Variants in ZNF274 observed in about 807,000 individuals in gnomAD.
The protein encoded by ZNF274 is zinc finger protein 274.
A neutral mutation model predicts 42.5 loss-of-function variants in ZNF274; 23 were observed. The observed-to-expected ratio is 0.54, with a 90% CI of 0.39 to 0.77. The LOEUF is 0.77. ZNF274 is among the 30% of genes least tolerant of loss of function. The pLI is 0.00. For synonymous variants in ZNF274, 292 were observed against 305.4 expected (o/e 0.96, Z 0.46); for missense variants, 679 against 806.5 (o/e 0.84, Z 1.91).
In ZNF274 at chr19:58,196,431, G is replaced by A. The variant is rs562045810; in HGVS notation, c.256+9389G>A. Among the ~76,000 whole-genome samples the A allele has an allele frequency of 1.3e-3, 191 of 152,266 alleles. 2 individuals carry two copies. The highest frequency in any genetic ancestry group is 4.4e-3 in the African/African-American group (183 of 41,552). On this transcript the variant is annotated intron_variant, in intron 4 of 7. Transcript: ENST00000617501. ...GAAAAAATTAGCCACACATGGTGGC[G>A]TGTGTCTATAGTTCCAGCTACTTGG...
intron 4 of ZNF274, among the ~76,000 whole-genome samples, chr19:58,201,429 G>A (rs1301815312): frequency 6.6e-6 from 1 of 151,832 alleles, no homozygotes; most frequent in Non-Finnish European, 1.5e-5. Context: ...TTTTCAACCT[G>A]AGATTTGGTA....
At position 58,206,970 on chromosome 19, in the gene ZNF274, T is replaced by C. The variant is rs776670234; in HGVS notation, c.507T>C (p.Tyr169=). Residue 169 remains tyrosine (Y), a synonymous_variant, in exon 5 of 8, where the codon TAT becomes TAC. Coordinates refer to ENST00000617501, the MANE Select transcript of ZNF274 (RefSeq NM_133502.3). ...AARQRFRQFR[Y]KDMTGPREAL... ...GCCAGAGGTTCCGGCAGTTCCGTTA[T>C]AAGGACATGACAGGTCCCCGGGAGG... 4 of 1,610,346 alleles carry C rather than the reference T, an allele frequency of 2.5e-6. No homozygotes were observed. Among genetic ancestry groups the C allele is most frequent in the Middle Eastern group, 1.7e-4 (1 of 6,060 alleles).
rs916956161 is a variant in ZNF274, at chr19:58,211,274, A to G, written c.853-286A>G. The G allele has an allele frequency of 3.7e-5, 11 of 299,690 alleles. No individual in the cohort carries two copies. In the East Asian group the frequency reaches 4.3e-4, roughly 12 times the overall value. The allele number at this position is 299,690 out of a possible 1,614,324, so 18.6% of individuals were successfully genotyped here. A position where few individuals can be genotyped will look rare whatever the true frequency, so the allele number is the denominator to read the frequency against. On this transcript the variant is annotated intron_variant, in intron 6 of 7. Transcript: ENST00000617501. The surrounding 1 kb of genome is among the most constrained non-coding windows in gnomAD (Gnocchi z 4.8). ...CCTCTGCAGTGGGAAGATTTCAGCA[A>G]TGGGCAAGCTGGATAGAGCCGTGGT...
chr19:58,204,850 C>T (rs1205490042), intron 4 of ZNF274, among the ~76,000 whole-genome samples: 3 of 152,062 alleles, frequency 2.0e-5, no homozygotes, highest in African/African-American at 7.2e-5. Flanking sequence ...TGACTCAGAG[C>T]CGGGTATAGT....
At position 58,208,343 on chromosome 19, in the gene ZNF274, A is replaced by G. The variant is rs1272333313; in HGVS notation, c.739+1141A>G. The G allele has an allele frequency of 6.6e-6, 1 of 152,286 alleles. No individual in the cohort carries two copies. Among genetic ancestry groups the G allele is most frequent in the African/African-American group, 2.4e-5 (1 of 41,454 alleles). The allele number at this position is 152,286 out of a possible 1,614,324, so 9.4% of individuals were successfully genotyped here. On this transcript the variant is annotated intron_variant, in intron 5 of 7. Coordinates refer to ENST00000617501, the MANE Select transcript of ZNF274 (RefSeq NM_133502.3). This position sits in a 1 kb window ranked among gnomAD's most constrained non-coding sequence, Gnocchi z 4.5. ...CACTTGCATGAGTTGTGTCAGATGCACCAAGTCTGGGGTGCTGTACTTGGC... is the reference window on the plus strand; with the variant it reads ...CACTTGCATGAGTTGTGTCAGATGCGCCAAGTCTGGGGTGCTGTACTTGGC...
intron 4 of ZNF274, among the ~76,000 whole-genome samples, chr19:58,205,727 C>T (rs1429067800): frequency 6.6e-6 from 1 of 152,166 alleles, no homozygotes; most frequent in Non-Finnish European, 1.5e-5. Flanking sequence ...TCAGGACAGT[C>T]CTGGAGTTCA....
chr19:58,204,383 G>A (rs1039052568), intron 4 of ZNF274, among the ~76,000 whole-genome samples: 1 of 152,270 alleles, frequency 6.6e-6, no homozygotes, highest in African/African-American at 2.4e-5. Flanking sequence ...TAGAGGCGTT[G>A]TAGGCGTCGA....
In ZNF274 at chr19:58,185,748, A is replaced by G; in HGVS notation, c.70A>G (p.Thr24Ala). 1 of 1,463,126 alleles carries G rather than the reference A, an allele frequency of 6.8e-7. No homozygotes were observed. Among genetic ancestry groups the G allele is most frequent in the Non-Finnish European group, 9.1e-7 (1 of 1,101,662 alleles). 90.6% of individuals were successfully genotyped at this position (1,463,126 alleles called of 1,614,324 possible). A position where few individuals can be genotyped will look rare whatever the true frequency, so the allele number is the denominator to read the frequency against. ...VTFEDVTLGF[T>A]PEEWGLLDLK... The stretch of plus-strand genomic sequence containing the variant: ...CTTTGAAGATGTAACACTGGGTTTT[A>G]CCCCGGAAGAGTGGGGACTGCTGGA... The change falls in exon 3 of 8, where the codon ACC becomes GCC. Residue 24 changes from threonine (T) to alanine (A), a missense_variant. Around this residue, in one of 2 missense-constraint regions of ZNF274, gnomAD observed 223 missense variants for 216.4 expected, o/e 1.03. Coordinates refer to ENST00000617501, the MANE Select transcript of ZNF274 (RefSeq NM_133502.3).
intron 4 of ZNF274, among the ~76,000 whole-genome samples, chr19:58,189,357 C>G (rs2075751350): frequency 6.6e-6 from 1 of 152,178 alleles, no homozygotes; most frequent in Non-Finnish European, 1.5e-5. Flanking sequence ...CTGCTGCGCT[C>G]AAGCAGTCCT....
chr19:58,192,917 A>G (rs2075794586), intron 4 of ZNF274, among the ~76,000 whole-genome samples: 1 of 151,568 alleles, frequency 6.6e-6, no homozygotes, highest in Admixed American at 6.6e-5. Context: ...GCTAAGTTTT[A>G]TATTTTTTTG....
intron 4 of ZNF274, among the ~76,000 whole-genome samples, chr19:58,201,067 C>T (rs34909449): frequency 7.8e-4 from 118 of 151,512 alleles, no homozygotes; most frequent in African/African-American, 2.8e-3. Flanking sequence ...TACAGTGGTG[C>T]GATCATGACC....
chr19:58,210,290 C>G (rs1292811404), intron 6 of ZNF274: 1 of 459,372 alleles, frequency 2.2e-6, no homozygotes, highest in Admixed American at 3.8e-5. Flanking sequence ...CGCATGGTGA[C>G]CCGGGAGCTG....
At chr19:58,196,431 G>C (rs562045810) in intron 4 of ZNF274, among the ~76,000 whole-genome samples, 1 of 152,148 alleles carries the variant, frequency 6.6e-6, no homozygotes, top group African/African-American at 2.4e-5. Flanking sequence ...ACATGGTGGC[G>C]TGTGTCTATA....
chr19:58,210,562 C>T (rs2076027942), intron 6 of ZNF274: 1 of 153,534 alleles, frequency 6.5e-6, no homozygotes, highest in African/African-American at 2.4e-5. Flanking sequence ...CCTGTTTGCA[C>T]TGCAAATGGC....
chr19:58,186,874 T>A, intron 3 of ZNF274, 73 bp from the exon 4 acceptor site: 2 of 1,325,464 alleles, frequency 1.5e-6, no homozygotes, highest in East Asian at 2.4e-5. Flanking sequence ...TGGAGACGGC[T>A]TGTGCTGCAG....
chr19:58,190,556 C>G (rs2075767735), intron 4 of ZNF274, among the ~76,000 whole-genome samples: 2 of 152,192 alleles, frequency 1.3e-5, no homozygotes, highest in African/African-American at 4.8e-5. Context: ...GTAATATCTT[C>G]TATTTCCCTT....
chr19:58,206,834 G>A lies in ZNF274; in HGVS notation c.371G>A (p.Arg124Gln), dbSNP rs777168663. The stretch of plus-strand genomic sequence containing the variant: ...CTGAACCAGGAGGTGGCTGGTCCCC[G>A]GAATGCCCAGATCCAGGCCCTATAT... ...LTLNQEVAGP[R>Q]NAQIQALYAE... The change falls in exon 5 of 8, where the codon CGG becomes CAG. Residue 124 changes from arginine (R) to glutamine (Q), a missense_variant. Arg to Gln is a conservative substitution (Grantham distance 43). This residue lies in a region of ZNF274 where 223 missense variants were observed against 216.4 expected (regional missense o/e 1.03). Coordinates refer to ENST00000617501, the MANE Select transcript of ZNF274 (RefSeq NM_133502.3). 1.2e-5 allele frequency: 20 copies of A among 1,613,830 alleles called. No individual in the cohort carries two copies. The highest frequency in any genetic ancestry group is 2.7e-5 in the African/African-American group (2 of 74,914).
At chr19:58,210,126 C>A in intron 6 of ZNF274, 53 bp downstream of exon 6, 1 of 1,484,074 alleles carries the variant, frequency 6.7e-7, no homozygotes, top group Non-Finnish European at 9.3e-7. Flanking sequence ...GTGAGGCAGG[C>A]CCACCCCTGA....
chr19:58,201,343 T>C (rs1263546293), intron 4 of ZNF274, among the ~76,000 whole-genome samples: 1 of 150,906 alleles, frequency 6.6e-6, no homozygotes, highest in Non-Finnish European at 1.5e-5. Context: ...TCTCGTGTGA[T>C]TAACTTAACC....
Sources: allele counts gnomAD v4.1 joint callset (sites outside exome capture counted in the v4.1 genomes callset), GRCh38; gene constraint gnomAD v4.1.1; regional missense constraint gnomAD v4.1.1; non-coding constraint Gnocchi (gnomAD v3.1); transcripts MANE v1.5; gene names NCBI Gene and HGNC (gene_info 2026-07-23, HGNC 2026-07-21).